AGXT2: variants seen among roughly 807,000 people sequenced by gnomAD.
The protein encoded by AGXT2 is alanine--glyoxylate aminotransferase 2, also known as alanine--glyoxylate aminotransferase 2, mitochondrial.
In AGXT2, 61 loss-of-function variants were observed where a neutral mutation model predicts 62.5. That is an observed-to-expected ratio of 0.98 (90% CI 0.79 to 1.21). The LOEUF is 1.21. Among genes scored for constraint, AGXT2 ranks in the 50% most tolerant of loss-of-function variants. The probability of loss-of-function intolerance (pLI) is 0.00; values close to 1 mark genes in which losing one functional copy is unlikely to be tolerated. For synonymous variants in AGXT2, 243 were observed against 218.7 expected, an observed-to-expected ratio of 1.11 and a Z score of -0.98; for missense variants, 666 against 641.5, an observed-to-expected ratio of 1.04 and a Z score of -0.41.
intron 1 of AGXT2, among the ~76,000 whole-genome samples, chr5:35,044,946 C>T (rs1768129507): frequency 6.6e-6 from 1 of 152,118 alleles, no homozygotes; most frequent in East Asian, 1.9e-4. Flanking sequence ...AATGGAGAAA[C>T]ATCTCAGCTG....
At chr5:35,037,150 G>GT (rs1213629377) in intron 3 of AGXT2, 85 bp from the exon 4 acceptor site, 13 of 1,590,618 alleles carry the variant, frequency 8.2e-6, no homozygotes, top group African/African-American at 8.1e-5. Context: ...CAAATATACT[G>GT]TTTTTTCTCA....
At chr5:35,021,453 A>AG (rs1249893101) in intron 9 of AGXT2, among the ~76,000 whole-genome samples, 3 of 150,938 alleles carry the variant, frequency 2.0e-5, no homozygotes, top group Non-Finnish European at 4.4e-5. Context: ...GACAAACCTG[A>AG]GAAAAACAAG....
At chr5:35,006,961 C>A (rs1302536297) in intron 12 of AGXT2, among the ~76,000 whole-genome samples, 1 of 152,134 alleles carries the variant, frequency 6.6e-6, no homozygotes, top group African/African-American at 2.4e-5. Context: ...GGTATTTATA[C>A]ATAAAAGGTG....
chr5:35,014,357 A>G (rs163840), intron 9 of AGXT2, among the ~76,000 whole-genome samples: 118,261 of 150,542 alleles, frequency 0.79, 47,191 homozygotes, highest in African/African-American at 0.84. Flanking sequence ...GGAGGCTGAG[A>G]CAGGAGAATC....
intron 9 of AGXT2, among the ~76,000 whole-genome samples, chr5:35,018,811 G>T (rs1766951520): frequency 7.0e-6 from 1 of 142,862 alleles, no homozygotes; most frequent in African/African-American, 2.7e-5. Context: ...CCATCAGTGT[G>T]CTGTATTCAG....
intron 11 of AGXT2, among the ~76,000 whole-genome samples, chr5:35,011,956 ACG>A (rs71600965): frequency 1.1e-3 from 159 of 142,224 alleles, no homozygotes; most frequent in Middle Eastern, 3.6e-3. Context: ...ACACACACAC[ACG>A]CCATGGAATA....
At chr5:35,040,718 G>T in intron 1 of AGXT2, 55 bp from the exon 2 acceptor site, 1 of 1,335,224 alleles carries the variant, frequency 7.5e-7, no homozygotes, top group Non-Finnish European at 1.1e-6. Context: ...GTCTGTTTGT[G>T]AAAGTCACCT....
intron 1 of AGXT2, among the ~76,000 whole-genome samples, chr5:35,042,504 A>G (rs758974213): frequency 6.6e-6 from 1 of 152,176 alleles, no homozygotes. Flanking sequence ...TTAATAAATA[A>G]CTAAAACTCA....
At chr5:35,025,187 C>T (rs13165070) in intron 9 of AGXT2, among the ~76,000 whole-genome samples, 44,401 of 151,994 alleles carry the variant, frequency 0.29, 7,139 homozygotes, top group Non-Finnish European at 0.37. Flanking sequence ...ATCAGCCTGG[C>T]CAACATGGTG....
In AGXT2 at chr5:35,022,148, T is replaced by C. The variant is rs1360245165; in HGVS notation, c.963+3615A>G. 1.2e-4 allele frequency among the ~76,000 whole-genome samples: 19 copies of C among 152,288 alleles called. No individual in the cohort carries two copies. The South Asian group carries it at 1.7e-3, about 13-fold the overall frequency. ...GTGGGACTGTAAACTAGTTCAACCATTGTGGAAGTCAGTGTGGTGATTCCT... is the reference window on the plus strand; with the variant it reads ...GTGGGACTGTAAACTAGTTCAACCACTGTGGAAGTCAGTGTGGTGATTCCT... On this transcript the variant is annotated intron_variant, in intron 9 of 13. Transcript: ENST00000231420.
intron 8 of AGXT2, 52 bp from the exon 9 acceptor site, chr5:35,025,907 A>C: frequency 2.6e-6 from 4 of 1,512,612 alleles, no homozygotes; most frequent in Non-Finnish European, 3.7e-6. Flanking sequence ...AGCCCTTTCA[A>C]AGTATATAAA....
chr5:35,039,895 T>A (rs1223589525), intron 2 of AGXT2, among the ~76,000 whole-genome samples: 1 of 152,228 alleles, frequency 6.6e-6, no homozygotes, highest in East Asian at 1.9e-4. Context: ...TAAAATACAA[T>A]GAAGTGCTAG....
intron 13 of AGXT2, among the ~76,000 whole-genome samples, chr5:35,001,158 A>T (rs1486216130): frequency 1.3e-5 from 2 of 152,224 alleles, no homozygotes; most frequent in Non-Finnish European, 2.9e-5. Flanking sequence ...GGGGTTTATC[A>T]GGAGGTAACC....
At chr5:35,034,733 A>G (rs1767701278) in intron 5 of AGXT2, among the ~76,000 whole-genome samples, 1 of 152,264 alleles carries the variant, frequency 6.6e-6, no homozygotes, top group African/African-American at 2.4e-5. Flanking sequence ...ATACAGGGTT[A>G]TATGTTCATC....
intron 9 of AGXT2, among the ~76,000 whole-genome samples, chr5:35,021,844 C>G (rs1348196481): frequency 6.6e-6 from 1 of 152,136 alleles, no homozygotes; most frequent in Non-Finnish European, 1.5e-5. Context: ...GGCTAATATC[C>G]AGAATCTACA....
At chr5:35,006,466 G>A (rs1466035230) in intron 12 of AGXT2, among the ~76,000 whole-genome samples, 3 of 152,270 alleles carry the variant, frequency 2.0e-5, no homozygotes, top group Middle Eastern at 3.4e-3. Context: ...GAAGGCAAAG[G>A]GTGAGCAGAT....
rs267600604 is a variant in AGXT2, at chr5:35,036,956, G to A, written c.472C>T (p.Pro158Ser). The A allele has an allele frequency of 6.2e-7, 1 of 1,614,114 alleles. No homozygotes were observed. The highest frequency in any genetic ancestry group is 8.5e-7 in the Non-Finnish European group (1 of 1,179,996). Residue 158 changes from proline (P) to serine (S), a missense_variant, in exon 4 of 14, where the codon CCT becomes TCT. By Grantham distance (74) the Pro-to-Ser change is moderately conservative (BLOSUM62 -1). Coordinates refer to ENST00000231420, the MANE Select transcript of AGXT2 (RefSeq NM_031900.4). The part of the protein sequence containing the change: ...EYAEKLAALL[P>S]EPLKVIFLVN... ...GAGCATTGTACCTTAAGAGGCTCAG[G>A]AAGAAGTGCGGCAAGCTTCTCTGCA...
chr5:35,011,547 A>T (rs1766640185), intron 11 of AGXT2, among the ~76,000 whole-genome samples: 1 of 151,864 alleles, frequency 6.6e-6, no homozygotes, highest in South Asian at 2.1e-4. Context: ...TCATGACTTA[A>T]TTGTAGTTGA....
In AGXT2 at chr5:35,010,083, C is replaced by T; in HGVS notation, c.1255G>A (p.Ala419Thr). 1 of 1,614,230 alleles carries T rather than the reference C, an allele frequency of 6.2e-7. No homozygotes were observed. The highest frequency in any genetic ancestry group is 8.5e-7 in the Non-Finnish European group (1 of 1,180,038). ...ATTTCAAATTCATCCCGCAGCTTAG[C>T]AAACTTTAGTAACATGTAGGTCCCA... The part of the protein sequence containing the change: ...EVGTYMLLKF[A>T]KLRDEFEIVG... Residue 419 changes from alanine to threonine, a missense_variant, in exon 12 of 14, where the codon GCT becomes ACT. By Grantham distance (58) the Ala-to-Thr change is moderately conservative (BLOSUM62 0). Coordinates refer to ENST00000231420, the MANE Select transcript of AGXT2 (RefSeq NM_031900.4).
Sources: gnomAD v4.1 joint callset for allele counts (sites outside exome capture counted in the v4.1 genomes callset) on GRCh38, gnomAD v4.1.1 for gene constraint, MANE v1.5 for transcripts, NCBI Gene and HGNC (gene_info 2026-07-23, HGNC 2026-07-21) for gene names.